Variants in MAGI2 observed in about 807,000 individuals in gnomAD.
The protein encoded by MAGI2 is membrane associated guanylate kinase, WW and PDZ domain containing 2, also known as membrane-associated guanylate kinase, WW and PDZ domain-containing protein 2.
In MAGI2, 35 loss-of-function variants were observed where a neutral mutation model predicts 133.3. The observed-to-expected ratio is 0.26, with a 90% confidence interval of 0.20 to 0.35. The LOEUF is 0.35. MAGI2 is among the 10% of genes least tolerant of loss of function. The pLI is 1.00. For synonymous variants in MAGI2, 729 were observed against 710.6 expected (o/e 1.03, Z -0.41); for missense variants, 1,636 against 1,863.4 (o/e 0.88, Z 2.25).
At chr7:78,812,586 ATGTGTG>A (rs10542588) in intron 2 of MAGI2, among the ~76,000 whole-genome samples, 97 of 149,332 alleles carry the variant, frequency 6.5e-4, no homozygotes, top group South Asian at 5.3e-3. Flanking sequence ...ATATGTATGT[ATGTGTG>A]TGTGTGTGTG....
intron 13 of MAGI2, among the ~76,000 whole-genome samples, chr7:78,179,518 G>A (rs1826982242): frequency 6.6e-6 from 1 of 152,196 alleles, no homozygotes; most frequent in African/African-American, 2.4e-5. Context: ...TGAGACGTGG[G>A]CAAATGCCGA....
intron 16 of MAGI2, among the ~76,000 whole-genome samples, chr7:78,148,705 A>C (rs898556424): frequency 7.2e-5 from 11 of 152,152 alleles, no homozygotes; most frequent in African/African-American, 2.7e-4. Context: ...GGAAGCAGGC[A>C]GCATAGTCAC....
rs551381549 is a variant in MAGI2, at chr7:79,366,302, G to A, written c.301+86718C>T. Among the ~76,000 whole-genome samples the A allele has an allele frequency of 3.9e-5, 6 of 152,222 alleles. No individual in the cohort carries two copies. The South Asian group carries it at 1.2e-3, about 32-fold the overall frequency. ...ATCCAATCCCAAAATGTTATACACT[G>A]TATGATTCCATTTATACGACATTTT... On this transcript the variant is annotated intron_variant, in intron 1 of 21. Transcript: ENST00000354212.
At chr7:79,307,743 C>T (rs1273918321) in intron 1 of MAGI2, among the ~76,000 whole-genome samples, 2 of 152,168 alleles carry the variant, frequency 1.3e-5, no homozygotes, top group Admixed American at 6.6e-5. Context: ...CGGAACATTA[C>T]ATTACAGGAG....
At chr7:78,066,785 G>A (rs187298244) in intron 21 of MAGI2, among the ~76,000 whole-genome samples, 1 of 152,334 alleles carries the variant, frequency 6.6e-6, no homozygotes, top group African/African-American at 2.4e-5. Context: ...TGCTCAGGGT[G>A]AGATAAGGGG....
At chr7:78,292,465 T>G (rs1796816167) in intron 9 of MAGI2, among the ~76,000 whole-genome samples, 1 of 152,200 alleles carries the variant, frequency 6.6e-6, no homozygotes, top group Non-Finnish European at 1.5e-5. Flanking sequence ...CATTCCATGC[T>G]CATGGGTAGG....
chr7:79,235,565 G>A (rs531200792), intron 1 of MAGI2, among the ~76,000 whole-genome samples: 5 of 152,276 alleles, frequency 3.3e-5, no homozygotes, highest in East Asian at 1.9e-4. Flanking sequence ...TTCCAGGTGC[G>A]TCCGTCACCC....
intron 1 of MAGI2, chr7:79,353,390 C>A: frequency 2.2e-6 from 1 of 449,574 alleles, no homozygotes; most frequent in Non-Finnish European, 4.5e-6. Flanking sequence ...GCTGTGGCAT[C>A]TTCTCCCAGA....
At chr7:79,185,331 C>T (rs1340784437) in intron 1 of MAGI2, among the ~76,000 whole-genome samples, 1 of 151,836 alleles carries the variant, frequency 6.6e-6, no homozygotes, top group Non-Finnish European at 1.5e-5. Context: ...AAAACCGCAT[C>T]TCTATTATGA....
At chr7:78,458,819 A>G (rs914743435) in intron 6 of MAGI2, among the ~76,000 whole-genome samples, 4 of 152,104 alleles carry the variant, frequency 2.6e-5, no homozygotes, top group African/African-American at 9.7e-5. Flanking sequence ...TATTTTTAGT[A>G]GAGACGGTGT....
chr7:78,400,777 G>C (rs1291501390), intron 6 of MAGI2, among the ~76,000 whole-genome samples: 1 of 152,118 alleles, frequency 6.6e-6, no homozygotes, highest in South Asian at 2.1e-4. Context: ...TTTTTTGGTA[G>C]GACGGCTAAC....
At chr7:78,957,116 T>C (rs932169731) in intron 2 of MAGI2, among the ~76,000 whole-genome samples, 3 of 151,178 alleles carry the variant, frequency 2.0e-5, no homozygotes, top group African/African-American at 7.3e-5. Flanking sequence ...ATACAAAAAT[T>C]AGTCGGGCGA....
intron 2 of MAGI2, among the ~76,000 whole-genome samples, chr7:78,947,578 T>C (rs969741776): frequency 3.3e-5 from 5 of 152,220 alleles, no homozygotes; most frequent in Admixed American, 6.5e-5. Flanking sequence ...TGTACTTCTA[T>C]AGGCTGAATT....
At chr7:78,633,674 C>T (rs1472842068) in intron 2 of MAGI2, among the ~76,000 whole-genome samples, 1 of 145,910 alleles carries the variant, frequency 6.9e-6, no homozygotes, top group Non-Finnish European at 1.5e-5. Flanking sequence ...CCACTGCACT[C>T]CAGCCTGGGC....
intron 2 of MAGI2, among the ~76,000 whole-genome samples, chr7:78,989,972 GA>G (rs1805607284): frequency 6.6e-6 from 1 of 152,016 alleles, no homozygotes; most frequent in African/African-American, 2.4e-5. Flanking sequence ...TAGAATTCCA[GA>G]AGGTAGCTTC....
chr7:78,209,275 T>C (rs1400695347), intron 10 of MAGI2, among the ~76,000 whole-genome samples: 2 of 142,452 alleles, frequency 1.4e-5, no homozygotes, highest in Non-Finnish European at 3.1e-5. Flanking sequence ...TTCTTTTTTT[T>C]TTTTGAGACG....
intron 6 of MAGI2, among the ~76,000 whole-genome samples, chr7:78,461,101 C>T (rs1257041884): frequency 6.6e-6 from 1 of 151,820 alleles, no homozygotes; most frequent in Admixed American, 6.6e-5. Flanking sequence ...TCTCTTTTAC[C>T]ATCTTTTCTC....
Position 78,711,823 on chromosome 7 carries a change from G to A in MAGI2, c.419-84584C>T, listed in dbSNP as rs551991797. ...AGAATAAGGCAGCTCTTAATTACCTGCAGTAATGGAGAGCAGTGGTGTGTA... is the reference window on the plus strand; with the variant it reads ...AGAATAAGGCAGCTCTTAATTACCTACAGTAATGGAGAGCAGTGGTGTGTA... On this transcript the variant is annotated intron_variant, in intron 2 of 21. Transcript: ENST00000354212. 2.6e-5 allele frequency among the ~76,000 whole-genome samples: 4 copies of A among 152,292 alleles called. No individual in the cohort carries two copies. The South Asian group carries it at 8.3e-4, about 32-fold the overall frequency.
At chr7:79,352,825 C>A (rs527575793) in intron 1 of MAGI2, among the ~76,000 whole-genome samples, 39 of 152,192 alleles carry the variant, frequency 2.6e-4, no homozygotes, top group African/African-American at 8.9e-4. Context: ...AAGAGTGCCT[C>A]ATGCTAGCTG....
Sources: gnomAD v4.1 joint callset for allele counts (sites outside exome capture counted in the v4.1 genomes callset) on GRCh38, gnomAD v4.1.1 for gene constraint, MANE v1.5 for transcripts, NCBI Gene and HGNC (gene_info 2026-07-23, HGNC 2026-07-21) for gene names.